The following DDX24 variants were observed in gnomAD, a reference collection of about 807,000 sequenced individuals.
DDX24 encodes ATP-dependent RNA helicase DDX24.
A neutral mutation model predicts 68.9 loss-of-function variants in DDX24; 24 were observed. The observed-to-expected ratio is 0.35, with a 90% CI of 0.25 to 0.49. DDX24 has a LOEUF of 0.49. Among genes scored for constraint, DDX24 ranks in the 20% least tolerant of loss-of-function variants. DDX24 has a pLI of 0.99. For synonymous variants in DDX24, 395 were observed against 385.2 expected (o/e 1.03, Z -0.30); for missense variants, 989 against 1,039.0 (o/e 0.95, Z 0.66).
chr14:94,052,379 C>T (rs1258700281), intron 8 of DDX24, among the ~76,000 whole-genome samples: 1 of 152,208 alleles, frequency 6.6e-6, no homozygotes. Context: ...ACTGCCTCTG[C>T]TGTGGTATCT....
chr14:94,078,904 T>C, intron 2 of DDX24, 121 bp downstream of exon 2: 2 of 1,098,290 alleles, frequency 1.8e-6, no homozygotes, highest in Non-Finnish European at 2.6e-6. Flanking sequence ...TAAACACCTT[T>C]ATTCAGCGTT....
In DDX24 at chr14:94,048,904, C is replaced by T. The variant is rs1162238535; in HGVS notation, c.*2287G>A. 1.3e-5 allele frequency: 2 copies of T among 152,272 alleles called. No individual in the cohort carries two copies. The highest frequency in any genetic ancestry group is 1.3e-4 in the Admixed American group (2 of 15,290). 9.4% of individuals were successfully genotyped at this position (152,272 alleles called of 1,614,324 possible). ...TCCCTAGGCAGTAAGTAAAAACATT[C>T]TCCTAGCATTAAAATGGTTTCCATA... On this transcript the variant is annotated 3_prime_UTR_variant, in exon 9 of 9. Transcript: ENST00000621632.
chr14:94,049,643 A>C lies in DDX24; in HGVS notation c.*1548T>G, dbSNP rs1885350702. On this transcript the variant is annotated 3_prime_UTR_variant, in exon 9 of 9. Transcript: ENST00000621632. ...CACAGTGGCTCACACCTGTAATCTC[A>C]GTACTTTGGGAGGCTGAGGCAAGAG... The C allele has an allele frequency of 6.6e-6, 1 of 152,154 alleles. No homozygotes were observed. Among genetic ancestry groups the C allele is most frequent in the Non-Finnish European group, 1.5e-5 (1 of 68,078 alleles). The allele number at this position is 152,154 out of a possible 1,614,324, so 9.4% of individuals were successfully genotyped here. A position where few individuals can be genotyped will look rare whatever the true frequency, so the allele number is the denominator to read the frequency against.
In DDX24 at chr14:94,070,027, A is replaced by C. The variant is rs1404111348; in HGVS notation, c.719-7406T>G. Among the ~76,000 whole-genome samples the C allele has an allele frequency of 1.3e-5, 2 of 152,156 alleles. 1 individual carries two copies. The highest frequency in any genetic ancestry group is 3.8e-4 in the East Asian group (2 of 5,196). On this transcript the variant is annotated intron_variant, in intron 2 of 8. Coordinates refer to ENST00000621632, the MANE Select transcript of DDX24 (RefSeq NM_020414.4). ...GTCCTAGCCAGAGCAATAAGACAAG[A>C]GAAAAAAAATAAAGGGCATCCAAAT...
At chr14:94,069,084 C>A (rs1885774959) in intron 2 of DDX24, among the ~76,000 whole-genome samples, 2 of 151,998 alleles carry the variant, frequency 1.3e-5, no homozygotes, top group Non-Finnish European at 2.9e-5. Context: ...AAAGCTAGTT[C>A]TTTGAAAAGA....
rs185805781 is a variant in DDX24, at chr14:94,055,122, T to G, written c.2052A>C (p.Glu684Asp). 6.2e-6 allele frequency: 10 copies of G among 1,614,064 alleles called. No individual in the cohort carries two copies. The highest frequency in any genetic ancestry group is 1.7e-5 in the Admixed American group (1 of 59,996). Residue 684 changes from glutamate (E) to aspartate (D), a missense_variant, in exon 7 of 9, where the codon GAA becomes GAC. Coordinates refer to ENST00000621632, the MANE Select transcript of DDX24 (RefSeq NM_020414.4). ...RSGRTARATN[E>D]GLSLMLIGPE... is the part of the protein sequence containing the mutation. The stretch of plus-strand genomic sequence containing the variant: ...GCCCAATGAGCATCAGACTGAGGCC[T>G]TCATTGGTAGCTCGAGCAGTTCGAC...
rs1368105089 is a variant in DDX24, at chr14:94,079,302, C to A, written c.441G>T (p.Leu147=). The A allele has an allele frequency of 6.2e-7, 1 of 1,613,942 alleles. No individual in the cohort carries two copies. The highest frequency in any genetic ancestry group is 8.5e-7 in the Non-Finnish European group (1 of 1,180,036). Residue 147 remains leucine (L), a synonymous_variant, in exon 2 of 9, where the codon CTG becomes CTT. Transcript: ENST00000621632. ...PEAGEMTSEN[L]VQTAPKKKKN... Reference sequence around the variant, plus strand: ...TCTTCTTTTTTGGAGCAGTTTGGACCAGGTTTTCTGATGTCATCTCCCCAG... The same window carrying A: ...TCTTCTTTTTTGGAGCAGTTTGGACAAGGTTTTCTGATGTCATCTCCCCAG...
intron 2 of DDX24, 43 bp downstream of exon 2, chr14:94,078,982 C>T: frequency 1.3e-6 from 2 of 1,559,444 alleles, no homozygotes; most frequent in Non-Finnish European, 1.7e-6. Flanking sequence ...CAGCTATGGG[C>T]TCAATCCAGA....
At chr14:94,076,464 T>C (rs1326349689) in intron 2 of DDX24, among the ~76,000 whole-genome samples, 2 of 152,016 alleles carry the variant, frequency 1.3e-5, no homozygotes, top group Admixed American at 6.6e-5. Flanking sequence ...AGGCAGGTCA[T>C]GAGGGCAGGA....
intron 7 of DDX24, 180 bp from the exon 8 acceptor site, chr14:94,053,307 C>G (rs973812038): frequency 1.6e-6 from 1 of 607,494 alleles, no homozygotes; most frequent in Non-Finnish European, 2.6e-6. Context: ...AGCAATCCTC[C>G]CACCTCAGCC....
intron 5 of DDX24, 74 bp downstream of exon 5, chr14:94,060,024 T>TGG: frequency 6.7e-7 from 1 of 1,500,384 alleles, no homozygotes; most frequent in Admixed American, 2.2e-5. Flanking sequence ...TTTCTACCAT[T>TGG]TCCCCACCAT....
chr14:94,052,500 G>A (rs1436535247), intron 8 of DDX24, among the ~76,000 whole-genome samples: 3 of 152,232 alleles, frequency 2.0e-5, no homozygotes, highest in African/African-American at 7.2e-5. Flanking sequence ...GAAGGCAGGT[G>A]TAGTAGGAAC....
intron 4 of DDX24, 103 bp from the exon 5 acceptor site, chr14:94,060,716 A>G: frequency 4.1e-6 from 6 of 1,473,590 alleles, no homozygotes; most frequent in Non-Finnish European, 3.7e-6. Context: ...ACACACACGT[A>G]CACACCCCAC....
chr14:94,078,802 A>C (rs565142998), intron 2 of DDX24, among the ~76,000 whole-genome samples: 8 of 152,354 alleles, frequency 5.3e-5, no homozygotes, highest in African/African-American at 1.9e-4. Flanking sequence ...CATTTGGTTG[A>C]TAATGGGGTC....
rs186946264 is a variant in DDX24, at chr14:94,072,851, C to A, written c.718+6174G>T. ...CTCAAAAAACAAACAAACAAAAAAA[C>A]TTGCTCATGTAACCAAATACCACTT... On this transcript the variant is annotated intron_variant, in intron 2 of 8. Transcript: ENST00000621632. Among the ~76,000 whole-genome samples, 161 of 151,772 alleles carry A rather than the reference C, an allele frequency of 1.1e-3. 3 individuals are homozygous for A. The South Asian group carries it at 0.016, about 15-fold the overall frequency.
chr14:94,060,630 AC>A lies in DDX24; in HGVS notation c.1398-18del. ...ACCAGGCACCTGCAGATCCAGAGAGACCCATATCATTGGTCAGCAGCGGGTT... is the reference window on the plus strand; with the variant it reads ...ACCAGGCACCTGCAGATCCAGAGAGACCATATCATTGGTCAGCAGCGGGTT... On this transcript the variant is annotated intron_variant, in intron 4 of 8. Coordinates refer to ENST00000621632, the MANE Select transcript of DDX24 (RefSeq NM_020414.4). The A allele has an allele frequency of 6.2e-7, 1 of 1,608,064 alleles. No individual in the cohort carries two copies. Among genetic ancestry groups the A allele is most frequent in the Non-Finnish European group, 8.5e-7 (1 of 1,176,204 alleles).
In DDX24 at chr14:94,050,844, T is replaced by G. The variant is rs1885372951; in HGVS notation, c.*347A>C. On this transcript the variant is annotated 3_prime_UTR_variant, in exon 9 of 9. Transcript: ENST00000621632. ...TGCTGGCCCAGGAGAATCACTAAGTTAATAATGAAACAAACTACACCACCA... is the reference window on the plus strand; with the variant it reads ...TGCTGGCCCAGGAGAATCACTAAGTGAATAATGAAACAAACTACACCACCA... 4.4e-6 allele frequency: 1 copy of G among 226,750 alleles called. No homozygotes were observed. Among genetic ancestry groups the G allele is most frequent in the Non-Finnish European group, 8.4e-6 (1 of 119,226 alleles). The allele number at this position is 226,750 out of a possible 1,614,324, so 14.0% of individuals were successfully genotyped here.
chr14:94,064,228 T>C (rs779538858), intron 2 of DDX24, among the ~76,000 whole-genome samples: 9 of 152,262 alleles, frequency 5.9e-5, no homozygotes, highest in African/African-American at 1.7e-4. Context: ...ATATGTATTA[T>C]AGTCCCTGTC....
chr14:94,058,224 C>G (rs1490560594), intron 5 of DDX24, among the ~76,000 whole-genome samples: 2 of 151,614 alleles, frequency 1.3e-5, no homozygotes, highest in Admixed American at 6.6e-5. Flanking sequence ...CTAGCACCCT[C>G]TCATTTACTT....
Sources: allele counts gnomAD v4.1 joint callset (sites outside exome capture counted in the v4.1 genomes callset), GRCh38; gene constraint gnomAD v4.1.1; transcripts MANE v1.5; gene names NCBI Gene and HGNC (gene_info 2026-07-23, HGNC 2026-07-21).